The following TMEM178A variants were observed in gnomAD, a reference collection of about 807,000 sequenced individuals.
TMEM178A encodes transmembrane protein 178.
A neutral mutation model predicts 29.1 loss-of-function variants in TMEM178A; 12 were observed. The observed-to-expected ratio is 0.41, with a 90% CI of 0.26 to 0.67. The LOEUF (loss-of-function observed/expected upper bound fraction) is 0.67. Ranked by LOEUF, TMEM178A falls within the 30% of genes least tolerant of loss-of-function variation. TMEM178A has a pLI of 0.29. For synonymous variants in TMEM178A, 210 were observed against 187.2 expected (o/e 1.12, Z -0.99); for missense variants, 366 against 419.1 (o/e 0.87, Z 1.11).
chr2:39,701,065 C>A (rs560188082), intron 1 of TMEM178A, among the ~76,000 whole-genome samples: 1 of 151,864 alleles, frequency 6.6e-6, no homozygotes, highest in Non-Finnish European at 1.5e-5. Context: ...ACTTTTAAAT[C>A]AGATAGGAGA....
rs543429681 is a variant in TMEM178A at position 39,677,960 on chromosome 2, A to G, written c.400+11586A>G. 5.9e-5 allele frequency among the ~76,000 whole-genome samples: 9 copies of G among 152,198 alleles called. No individual in the cohort carries two copies. The South Asian group carries it at 1.9e-3, about 32-fold the overall frequency. ...TTGCATGCCAACTTGTAGGTTCGAC[A>G]AGAAAAAAAAAAAGCAAGCAAGCAG... is the stretch of plus-strand genomic sequence containing the variant. On this transcript the variant is annotated intron_variant, in intron 1 of 3. Transcript: ENST00000281961.
At chr2:39,708,914 G>A (rs1377552726) in intron 3 of TMEM178A, among the ~76,000 whole-genome samples, 1 of 152,158 alleles carries the variant, frequency 6.6e-6, no homozygotes, top group African/African-American at 2.4e-5. Context: ...TTAATGATTA[G>A]TGAATGCCAC....
intron 3 of TMEM178A, among the ~76,000 whole-genome samples, chr2:39,716,706 A>T (rs919409789): frequency 3.9e-5 from 6 of 152,168 alleles, no homozygotes; most frequent in Non-Finnish European, 8.8e-5. Context: ...TGTTTTTAAG[A>T]ATAAAAAAAG....
chr2:39,707,356 C>T (rs1047444737), intron 3 of TMEM178A, among the ~76,000 whole-genome samples, 170 bp downstream of exon 3: 1 of 152,232 alleles, frequency 6.6e-6, no homozygotes, highest in Non-Finnish European at 1.5e-5. Flanking sequence ...AGGAAAACAA[C>T]AGTGTGAGAA....
At chr2:39,715,885 G>C (rs1008928441) in intron 3 of TMEM178A, among the ~76,000 whole-genome samples, 4 of 152,158 alleles carry the variant, frequency 2.6e-5, no homozygotes, top group Non-Finnish European at 4.4e-5. Context: ...GTTAAAAAAG[G>C]GTGGTGGGTA....
rs184667488 is a variant in TMEM178A at position 39,682,301 on chromosome 2, A to C, written c.400+15927A>C. On this transcript the variant is annotated intron_variant, in intron 1 of 3. Transcript: ENST00000281961. ...CTCAAGGTTATCAGTGTGAACTATG[A>C]TGTAATGCCTAGGTTCCCTTAGGGA... is the stretch of plus-strand genomic sequence containing the variant. Among the ~76,000 whole-genome samples the C allele has an allele frequency of 1.8e-3, 278 of 152,212 alleles. 1 individual carries two copies. Among genetic ancestry groups the C allele is most frequent in the African/African-American group, 6.5e-3 (268 of 41,536 alleles).
the TMEM178A span, among the ~76,000 whole-genome samples, chr2:39,734,290 G>C: frequency 6.6e-6 from 1 of 152,220 alleles, no homozygotes; most frequent in Admixed American, 6.5e-5. Context: ...AGCATTTATA[G>C]GGTTAAATAC....
the TMEM178A span, among the ~76,000 whole-genome samples, chr2:39,723,134 T>C: frequency 6.6e-6 from 1 of 152,222 alleles, no homozygotes; most frequent in Non-Finnish European, 1.5e-5. Context: ...TCCATCCTCA[T>C]AGCTTTGCCT....
At chr2:39,700,547 C>A (rs1046106838) in intron 1 of TMEM178A, among the ~76,000 whole-genome samples, 1 of 151,928 alleles carries the variant, frequency 6.6e-6, no homozygotes, top group Non-Finnish European at 1.5e-5. Context: ...AAAATTTCAA[C>A]CTATTTGTGT....
At chr2:39,735,425 G>A in the TMEM178A span, among the ~76,000 whole-genome samples, 1 of 152,186 alleles carries the variant, frequency 6.6e-6, no homozygotes, top group Admixed American at 6.5e-5. Context: ...CAGATAGCCC[G>A]CCTCATAGGG....
chr2:39,674,724 A>G (rs1452955129), intron 1 of TMEM178A, among the ~76,000 whole-genome samples: 1 of 152,266 alleles, frequency 6.6e-6, no homozygotes, highest in African/African-American at 2.4e-5. Flanking sequence ...AAACAAACAA[A>G]AAAGACACAA....
intron 1 of TMEM178A, among the ~76,000 whole-genome samples, chr2:39,685,519 C>A (rs1671040601): frequency 6.6e-6 from 1 of 152,084 alleles, no homozygotes; most frequent in South Asian, 2.1e-4. Context: ...TGTTTGTTTT[C>A]ATTCATTTTA....
the TMEM178A span, among the ~76,000 whole-genome samples, chr2:39,732,430 G>A: frequency 6.6e-6 from 1 of 152,164 alleles, no homozygotes; most frequent in African/African-American, 2.4e-5. Context: ...ACTCAATGCT[G>A]ATATATACCG....
intron 1 of TMEM178A, among the ~76,000 whole-genome samples, chr2:39,679,424 G>A (rs1301876527): frequency 1.3e-5 from 2 of 151,970 alleles, no homozygotes; most frequent in Admixed American, 1.3e-4. Flanking sequence ...AGTGGTAGAT[G>A]GGTAAAATGC....
rs76702144 is a variant in TMEM178A at position 39,700,994 on chromosome 2, A to G, written c.401-3087A>G. On this transcript the variant is annotated intron_variant, in intron 1 of 3. Transcript: ENST00000281961. ...TCCTCCTCCATACTATTATTGTCAT[A>G]CAAATTACATGTTTATACACTGTAT... 0.011 allele frequency among the ~76,000 whole-genome samples: 1,606 copies of G among 152,190 alleles called. 71 individuals carry two copies. The East Asian group carries it at 0.13, about 12-fold the overall frequency.
At chr2:39,686,360 T>C (rs1671076450) in intron 1 of TMEM178A, among the ~76,000 whole-genome samples, 1 of 152,110 alleles carries the variant, frequency 6.6e-6, no homozygotes, top group African/African-American at 2.4e-5. Context: ...GGATAATCCA[T>C]AAAGGATGTT....
At chr2:39,705,307 A>G (rs189099695) in intron 2 of TMEM178A, among the ~76,000 whole-genome samples, 2 of 152,350 alleles carry the variant, frequency 1.3e-5, no homozygotes, top group Admixed American at 1.3e-4. Flanking sequence ...TCTGTAGCAC[A>G]TTTACTATAT....
intron 2 of TMEM178A, among the ~76,000 whole-genome samples, chr2:39,705,364 C>A (rs1328276942): frequency 6.6e-6 from 1 of 152,208 alleles, no homozygotes; most frequent in South Asian, 2.1e-4. Flanking sequence ...TGGATTATAT[C>A]TGAACCTTGT....
At chr2:39,678,775 C>G (rs1670739637) in intron 1 of TMEM178A, among the ~76,000 whole-genome samples, 1 of 152,170 alleles carries the variant, frequency 6.6e-6, no homozygotes, top group Non-Finnish European at 1.5e-5. Flanking sequence ...AAGCTTTTAC[C>G]TTGTGGCTCC....
Sources: allele counts gnomAD v4.1 joint callset (sites outside exome capture counted in the v4.1 genomes callset), GRCh38; gene constraint gnomAD v4.1.1; transcripts MANE v1.5; gene names NCBI Gene and HGNC (gene_info 2026-07-23, HGNC 2026-07-21).